The following TBC1D30 variants were observed in gnomAD, a reference collection of about 807,000 sequenced individuals.
The protein encoded by TBC1D30 is TBC1 domain family, member 30.
TBC1D30 carries 31 observed loss-of-function variants against 63.2 expected under a neutral mutation model. The observed-to-expected ratio is 0.49, with a 90% CI of 0.37 to 0.66. The LOEUF (loss-of-function observed/expected upper bound fraction) is 0.66. TBC1D30 is among the 30% of genes least tolerant of loss of function. The pLI is 0.00. For synonymous variants in TBC1D30, 307 were observed against 361.5 expected (o/e 0.85, Z 1.71); for missense variants, 810 against 953.6 (o/e 0.85, Z 1.98).
intron 8 of TBC1D30, among the ~76,000 whole-genome samples, chr12:64,856,626 G>A (rs1877326651): frequency 6.6e-6 from 1 of 152,194 alleles, no homozygotes; most frequent in Admixed American, 6.5e-5. Context: ...TGTTGGGTCA[G>A]ACCTGAAGTT....
intron 2 of TBC1D30, among the ~76,000 whole-genome samples, chr12:64,814,279 T>C (rs894850192): frequency 6.6e-6 from 1 of 152,122 alleles, no homozygotes; most frequent in Admixed American, 6.5e-5. Context: ...GCTCCTGGTC[T>C]CAAGTGATCT....
Position 64,880,896 on chromosome 12 carries a change from G to A in TBC1D30, c.*5108G>A, listed in dbSNP as rs997264539. 1.3e-5 allele frequency: 2 copies of A among 152,136 alleles called. No homozygotes were observed. The highest frequency in any genetic ancestry group is 2.9e-5 in the Non-Finnish European group (2 of 68,038). The allele number at this position is 152,136 out of a possible 1,614,324, so 9.4% of individuals were successfully genotyped here. On this transcript the variant is annotated 3_prime_UTR_variant, in exon 12 of 12. Coordinates refer to ENST00000539867, the MANE Select transcript of TBC1D30 (RefSeq NM_015279.2). ...AGGCAATGCTGATCACTGGGAAGGA[G>A]GTGGATCAATTCTCCTATGGGACCA...
intron 2 of TBC1D30, among the ~76,000 whole-genome samples, chr12:64,813,323 G>C (rs1441925109): frequency 1.8e-4 from 28 of 152,088 alleles, no homozygotes. Context: ...CTGGGAGGTG[G>C]AGGTTGCAGT....
chr12:64,869,310 G>A (rs1878467784), intron 10 of TBC1D30, among the ~76,000 whole-genome samples: 1 of 152,142 alleles, frequency 6.6e-6, no homozygotes, highest in Non-Finnish European at 1.5e-5. Flanking sequence ...AGCAGCTGCT[G>A]CTACTTCTAA....
At chr12:64,803,862 CTG>C (rs1365686276) in intron 2 of TBC1D30, among the ~76,000 whole-genome samples, 1 of 152,154 alleles carries the variant, frequency 6.6e-6, no homozygotes, top group African/African-American at 2.4e-5. Flanking sequence ...GTCTGTATCT[CTG>C]TTTTGGTACC....
chr12:64,808,753 G>A (rs1471799244), intron 2 of TBC1D30, among the ~76,000 whole-genome samples: 1 of 149,800 alleles, frequency 6.7e-6, no homozygotes, highest in Non-Finnish European at 1.5e-5. Context: ...TCCCTCCCCA[G>A]CCCCTGGCAA....
At chr12:64,826,172 C>G (rs1874330220) in intron 1 of TBC1D30, among the ~76,000 whole-genome samples, 1 of 152,100 alleles carries the variant, frequency 6.6e-6, no homozygotes, top group South Asian at 2.1e-4. Context: ...AACCTTCTCT[C>G]TGCCCGTATT....
In TBC1D30 at chr12:64,816,654, C is replaced by T. The variant is rs563854136; in HGVS notation, c.644-11181C>T. ...ACAGCATCCCCGACTGCTGGGCTTG[C>T]AGCCTTTGCCTGAGAACTCCAAAGC... On this transcript the variant is annotated intron_variant, in intron 2 of 12. Coordinates refer to the TBC1D30 transcript ENST00000542120. Among the ~76,000 whole-genome samples the T allele has an allele frequency of 5.6e-4, 86 of 152,358 alleles. 2 individuals are homozygous for T. The highest frequency in any genetic ancestry group is 2.0e-3 in the African/African-American group (84 of 41,584).
rs573429543 is a variant in TBC1D30 at position 64,830,593 on chromosome 12, AC to A, written c.408+93del. 4.9e-5 allele frequency: 59 copies of A among 1,199,832 alleles called. No homozygotes were observed. In the African/African-American group the frequency reaches 8.5e-4, roughly 17 times the overall value. The allele number at this position is 1,199,832 out of a possible 1,614,324, so 74.3% of individuals were successfully genotyped here. A position where few individuals can be genotyped will look rare whatever the true frequency, so the allele number is the denominator to read the frequency against. Reference sequence around the variant, plus strand: ...TTGGACAGAGGATCAAATGATCTCTACCTTCTGGTTTGAATGTCTGTATATT... The same window carrying A: ...TTGGACAGAGGATCAAATGATCTCTACTTCTGGTTTGAATGTCTGTATATT... On this transcript the variant is annotated intron_variant, in intron 4 of 11. Transcript: ENST00000539867.
At chr12:64,855,453 A>G (rs556439428) in intron 8 of TBC1D30, among the ~76,000 whole-genome samples, 6 of 152,270 alleles carry the variant, frequency 3.9e-5, no homozygotes, top group Non-Finnish European at 5.9e-5. Context: ...TTTAAGGCCA[A>G]TAACTGTTAG....
chr12:64,844,371 TC>T (rs1876173969), intron 8 of TBC1D30, among the ~76,000 whole-genome samples: 1 of 152,176 alleles, frequency 6.6e-6, no homozygotes, highest in Non-Finnish European at 1.5e-5. Context: ...TCCATTAGAT[TC>T]TTTTTTTAAT....
At chr12:64,840,027 A>AAAAAAAAAAAAAAAAAAAAAAAC (rs1555171793) in intron 7 of TBC1D30, among the ~76,000 whole-genome samples, 2 of 145,814 alleles carry the variant, frequency 1.4e-5, no homozygotes, top group African/African-American at 5.2e-5. Flanking sequence ...AAAAAAAAAA[A>AAAAAAAAAAAAAAAAAAAAAAAC]ATCCACCAAC....
intron 2 of TBC1D30, among the ~76,000 whole-genome samples, chr12:64,812,710 T>G (rs117898728): frequency 6.6e-6 from 1 of 152,110 alleles, no homozygotes; most frequent in Non-Finnish European, 1.5e-5. Context: ...AATAGAACAA[T>G]TGAGAAGAAA....
rs544871392 is a variant in TBC1D30 at position 64,877,246 on chromosome 12, T to C, written c.*1458T>C. 5.5e-6 allele frequency: 1 copy of C among 180,944 alleles called. No individual in the cohort carries two copies. The highest frequency in any genetic ancestry group is 1.3e-4 in the South Asian group (1 of 7,462). 11.2% of individuals were successfully genotyped at this position (180,944 alleles called of 1,614,324 possible). A position where few individuals can be genotyped will look rare whatever the true frequency, so the allele number is the denominator to read the frequency against. On this transcript the variant is annotated 3_prime_UTR_variant, in exon 12 of 12. Transcript: ENST00000539867. ...CTCAATCCCCTTCTCCTCGCCATCA[T>C]TAGAGGAATAGACTCAGCCTTCATG...
At chr12:64,820,127 A>AC (rs1350479803), upstream of TBC1D30, among the ~76,000 whole-genome samples, 5 of 152,200 alleles carry the variant, frequency 3.3e-5, no homozygotes, top group African/African-American at 1.2e-4. Context: ...GAAGATAAGC[A>AC]CGTAGGCCCT....
chr12:64,780,039 T>C (rs1871188936), upstream of TBC1D30, among the ~76,000 whole-genome samples: 1 of 152,236 alleles, frequency 6.6e-6, no homozygotes. Context: ...TCATCAAAAC[T>C]AGCTCAATTA....
chr12:64,786,924 CAA>C (rs1223488478), intron 2 of TBC1D30, among the ~76,000 whole-genome samples: 2 of 150,646 alleles, frequency 1.3e-5, no homozygotes, highest in Admixed American at 6.6e-5. Flanking sequence ...GCCTGGGCGA[CAA>C]GAGCGAAACT....
intron 2 of TBC1D30, among the ~76,000 whole-genome samples, chr12:64,815,874 C>G (rs1413306656): frequency 6.6e-6 from 1 of 151,680 alleles, no homozygotes; most frequent in East Asian, 1.9e-4. Flanking sequence ...GCAACCTCGA[C>G]CTCCTGGGCT....
Position 64,802,938 on chromosome 12 carries a change from A to G in TBC1D30, c.643+16893A>G, listed in dbSNP as rs188155977. 2.1e-4 allele frequency among the ~76,000 whole-genome samples: 32 copies of G among 152,306 alleles called. 2 individuals are homozygous for G. Among genetic ancestry groups the G allele is most frequent in the African/African-American group, 7.2e-4 (30 of 41,570 alleles). On this transcript the variant is annotated intron_variant, in intron 2 of 12. Coordinates refer to the TBC1D30 transcript ENST00000542120. ...TGGTTCCAAGTCTTTGCTATTGTGA[A>G]TAGTGCCGCAATAAACATACGTGTG...
Sources: allele counts gnomAD v4.1 joint callset (sites outside exome capture counted in the v4.1 genomes callset), GRCh38; gene constraint gnomAD v4.1.1; transcripts MANE v1.5; gene names NCBI Gene and HGNC (gene_info 2026-07-23, HGNC 2026-07-21).